The following NCOR1 variants were observed in gnomAD, a reference collection of about 807,000 sequenced individuals.
NCOR1 encodes the protein nuclear receptor corepressor 1.
In NCOR1, 63 loss-of-function variants were observed where a neutral mutation model predicts 288.1. The ratio of observed to expected loss-of-function variants is 0.22; its 90% confidence interval spans 0.18 to 0.27. The LOEUF (loss-of-function observed/expected upper bound fraction) is 0.27, where lower values mean the gene tolerates loss of function less well. NCOR1 is among the 10% of genes least tolerant of loss of function. NCOR1 has a pLI of 1.00. For synonymous variants in NCOR1, 1,007 were observed against 1,065.9 expected, an observed-to-expected ratio of 0.94 and a Z score of 1.08; for missense variants, 2,397 against 3,019.2, an observed-to-expected ratio of 0.79 and a Z score of 4.83.
At chr17:16,057,407 A>C (rs2060062414) in intron 40 of NCOR1, 107 bp downstream of exon 40, 3 of 1,102,070 alleles carry the variant, frequency 2.7e-6, no homozygotes, top group Non-Finnish European at 4.0e-6. Context: ...CCTGGGAATA[A>C]AGGCAAATGA....
Position 16,070,423 on chromosome 17 carries a change from G to A in NCOR1, c.4255C>T (p.Pro1419Ser). ...GPSKLSRGMP[P>S]LEIVPENIKV... ...ATGTTCTCTGGCACAATTTCCAGCG[G>A]AGGCATTCCACGGGATAGTTTGCTA... is the stretch of plus-strand genomic sequence containing the variant. Residue 1419 changes from proline to serine, a missense_variant, in exon 31 of 46, where the codon CCG (proline) becomes TCG (serine). Physicochemically the swap from Pro to Ser is moderately conservative, Grantham distance 74. Around this residue, in one of 11 missense-constraint regions of NCOR1, gnomAD observed 1,872 missense variants for 2,187.8 expected, o/e 0.86. Coordinates refer to ENST00000268712, the MANE Select transcript of NCOR1 (RefSeq NM_006311.4). 6.2e-7 allele frequency: 1 copy of A among 1,614,186 alleles called. No individual in the cohort carries two copies. Among genetic ancestry groups the A allele is most frequent in the Admixed American group, 1.7e-5 (1 of 60,020 alleles).
At position 16,075,665 on chromosome 17, in the gene NCOR1, T is replaced by C; in HGVS notation, c.3539A>G (p.Glu1180Gly). Residue 1180 changes from glutamate to glycine, a missense_variant, in exon 27 of 46, where the codon GAG (glutamate) becomes GGG (glycine). Around this residue, in one of 11 missense-constraint regions of NCOR1, gnomAD observed 1,872 missense variants for 2,187.8 expected, o/e 0.86. Coordinates refer to ENST00000268712, the MANE Select transcript of NCOR1 (RefSeq NM_006311.4). ...CGAAATGGACCCCTTCACCAAAGCC[T>C]CTGTTGGTATGCCAGTCTGGGGCAG... ...PALPQTGIPT[E>G]ALVKGSISRM... is the part of the protein sequence containing the mutation. 4 of 1,614,208 alleles carry C rather than the reference T, an allele frequency of 2.5e-6. No individual in the cohort carries two copies. The highest frequency in any genetic ancestry group is 3.4e-6 in the Non-Finnish European group (4 of 1,180,024).
At chr17:16,211,794 G>T (rs551150392) in intron 1 of NCOR1, among the ~76,000 whole-genome samples, 2 of 152,198 alleles carry the variant, frequency 1.3e-5, no homozygotes, top group East Asian at 3.9e-4. Context: ...AAGGAAAAAT[G>T]CCACCACAAG....
Position 16,086,187 on chromosome 17 carries a change from T to A in NCOR1, c.3177+95A>T, listed in dbSNP as rs2064200355. The A allele has an allele frequency of 3.9e-6, 5 of 1,283,722 alleles. No homozygotes were observed. In the East Asian group the frequency reaches 9.3e-5, roughly 24 times the overall value. The allele number at this position is 1,283,722 out of a possible 1,614,324, so 79.5% of individuals were successfully genotyped here. Reference sequence around the variant, plus strand: ...CTTCATATTCAGACAGATTATTATTTATTACAACTCTGACAAATCAGTGCG... The same window carrying A: ...CTTCATATTCAGACAGATTATTATTAATTACAACTCTGACAAATCAGTGCG... On this transcript the variant is annotated intron_variant, in intron 23 of 45. Transcript: ENST00000268712.
intron 40 of NCOR1, among the ~76,000 whole-genome samples, chr17:16,050,998 G>A (rs865816213): frequency 2.6e-5 from 4 of 151,948 alleles, no homozygotes; most frequent in East Asian, 1.9e-4. Flanking sequence ...ATGCCTGGGC[G>A]ATTTTATTTT....
rs768872557 is a variant in NCOR1 at position 16,126,151 on chromosome 17, G to C, written c.1565C>G (p.Ala522Gly). The change falls in exon 15 of 46, where the codon GCA becomes GGA. Residue 522 changes from alanine (A) to glycine (G), a missense_variant. This residue lies in a region of NCOR1 where 113 missense variants were observed against 139.5 expected (regional missense o/e 0.81). Coordinates refer to ENST00000268712, the MANE Select transcript of NCOR1 (RefSeq NM_006311.4). ...EKVEEKEEDKAEKTEKKEEEK... is the reference protein window; with the variant it reads ...EKVEEKEEDKGEKTEKKEEEK... ...TTCTTCTTTTTTTTCTGTTTTTTCT[G>C]CTTTATCCTCTTCTTTTTCTTCTAC... 3.3e-6 allele frequency: 5 copies of C among 1,517,564 alleles called. No individual in the cohort carries two copies. In the East Asian group the frequency reaches 1.2e-4, roughly 37 times the overall value. The allele number at this position is 1,517,564 out of a possible 1,614,324, so 94.0% of individuals were successfully genotyped here.
At chr17:16,046,367 CAA>C (rs1422519867) in intron 42 of NCOR1, among the ~76,000 whole-genome samples, 3 of 152,172 alleles carry the variant, frequency 2.0e-5, no homozygotes, top group African/African-American at 7.2e-5. Flanking sequence ...AGGCTGCCAA[CAA>C]AACAGCTAAT....
chr17:16,069,281 C>A (rs2061473719), intron 31 of NCOR1, among the ~76,000 whole-genome samples: 1 of 152,158 alleles, frequency 6.6e-6, no homozygotes, highest in Non-Finnish European at 1.5e-5. Context: ...CTCTGCAGGG[C>A]AATTCGCCAT....
intron 32 of NCOR1, among the ~76,000 whole-genome samples, chr17:16,066,587 T>C (rs975172591): frequency 2.0e-5 from 3 of 152,222 alleles, no homozygotes; most frequent in Non-Finnish European, 4.4e-5. Flanking sequence ...ATTTTATATG[T>C]ATATGTTCTC....
At chr17:16,045,910 C>T (rs1231267054) in intron 42 of NCOR1, among the ~76,000 whole-genome samples, 3 of 152,056 alleles carry the variant, frequency 2.0e-5, no homozygotes. Context: ...TTCCCAGGCT[C>T]AAGCAATCCT....
chr17:16,044,644 C>G (rs1251535777), intron 42 of NCOR1: 2 of 642,324 alleles, frequency 3.1e-6, no homozygotes, highest in Non-Finnish European at 6.0e-6. Flanking sequence ...CCGAGCTCGC[C>G]TGCATCTACT....
At chr17:16,119,593 A>G in intron 16 of NCOR1, 108 bp from the exon 17 acceptor site, 1 of 716,958 alleles carries the variant, frequency 1.4e-6, no homozygotes, top group Non-Finnish European at 2.2e-6. Flanking sequence ...GACTATGTAA[A>G]AGCATTTGGT....
intron 40 of NCOR1, 153 bp from the exon 41 acceptor site, chr17:16,049,141 T>C (rs1269364114): frequency 4.1e-5 from 25 of 607,584 alleles, no homozygotes; most frequent in East Asian, 3.2e-5. Context: ...ATTCACTATA[T>C]ACATAGTTAA....
intron 3 of NCOR1, among the ~76,000 whole-genome samples, chr17:16,177,903 T>C (rs1383166081): frequency 6.6e-6 from 1 of 152,178 alleles, no homozygotes; most frequent in Non-Finnish European, 1.5e-5. Context: ...TTTTTTTTAA[T>C]TTTCTTTTTA....
rs767227910 is a variant in NCOR1, at chr17:16,048,939, C to G, written c.6442G>C (p.Glu2148Gln). The change falls in exon 41 of 46, where the codon GAG becomes CAG. Residue 2148 changes from glutamate (E) to glutamine (Q), a missense_variant. Coordinates refer to ENST00000268712, the MANE Select transcript of NCOR1 (RefSeq NM_006311.4). ...GGAACCTGGGGTGGGGAGATGGGCT[C>G]GTAGGGCTCCGAAGAGACGTGACTC... ...ERSHVSSEPYEPISPPQVPVV... is the reference protein window; with the variant it reads ...ERSHVSSEPYQPISPPQVPVV... 1.2e-6 allele frequency: 2 copies of G among 1,613,608 alleles called. No individual in the cohort carries two copies. Among genetic ancestry groups the G allele is most frequent in the East Asian group, 2.2e-5 (1 of 44,872 alleles).
rs527992117 is a variant in NCOR1 at position 16,136,912 on chromosome 17, T to C, written c.1509+399A>G. Among the ~76,000 whole-genome samples the C allele has an allele frequency of 7.2e-5, 11 of 151,872 alleles. No individual in the cohort carries two copies. In the South Asian group the frequency reaches 2.3e-3, roughly 32 times the overall value. ...AGGTTCCAGGTTTTTGTAAAGAATC[T>C]CTAATCAAGGTACCATGTTGTATTT... On this transcript the variant is annotated intron_variant, in intron 14 of 45. Coordinates refer to ENST00000268712, the MANE Select transcript of NCOR1 (RefSeq NM_006311.4).
intron 3 of NCOR1, among the ~76,000 whole-genome samples, chr17:16,185,128 A>T (rs1380437434): frequency 6.6e-6 from 1 of 152,088 alleles, no homozygotes; most frequent in African/African-American, 2.4e-5. Flanking sequence ...GTAAAGTAGC[A>T]GACACATAGA....
At chr17:16,108,036 T>A (rs1383379180) in intron 19 of NCOR1, among the ~76,000 whole-genome samples, 2 of 151,924 alleles carry the variant, frequency 1.3e-5, no homozygotes, top group Non-Finnish European at 2.9e-5. Context: ...ACACAAACTT[T>A]AAACAAAAGT....
chr17:16,110,583 G>C (rs1210881396), intron 18 of NCOR1, among the ~76,000 whole-genome samples: 1 of 152,098 alleles, frequency 6.6e-6, no homozygotes, highest in Non-Finnish European at 1.5e-5. Flanking sequence ...TGTGTTTGCA[G>C]ACCCAGGGTT....
Sources: allele counts gnomAD v4.1 joint callset (sites outside exome capture counted in the v4.1 genomes callset), GRCh38; gene constraint gnomAD v4.1.1; regional missense constraint gnomAD v4.1.1; transcripts MANE v1.5; gene names NCBI Gene and HGNC (gene_info 2026-07-23, HGNC 2026-07-21).